The following BACH2 variants were observed in gnomAD, a reference collection of about 807,000 sequenced individuals.
BACH2 encodes BACH transcriptional regulator 2.
Under a neutral mutation model 61.8 loss-of-function variants are expected in BACH2, and 5 were observed. That is an observed-to-expected ratio of 0.08 (90% CI 0.04 to 0.17). BACH2 has a LOEUF of 0.17. BACH2 is among the 10% of genes least tolerant of loss of function. BACH2 has a pLI of 1.00. For missense variants in BACH2, 824 were observed against 1,091.1 expected, an observed-to-expected ratio of 0.76 and a Z score of 3.45; for synonymous variants, 446 against 440.1, an observed-to-expected ratio of 1.01 and a Z score of -0.17.
At chr6:90,004,489 A>T (rs935247250) in intron 6 of BACH2, among the ~76,000 whole-genome samples, 1 of 152,216 alleles carries the variant, frequency 6.6e-6, no homozygotes, top group African/African-American at 2.4e-5. Flanking sequence ...AAAGGTGGTG[A>T]GACCTTGGCA....
intron 7 of BACH2, among the ~76,000 whole-genome samples, chr6:89,941,703 A>G (rs1433935767): frequency 2.0e-5 from 3 of 152,314 alleles, no homozygotes. Flanking sequence ...GTTCCAACAC[A>G]GCAGAGGTGG....
chr6:90,028,801 ACT>A (rs1313998187), intron 5 of BACH2, among the ~76,000 whole-genome samples: 1 of 152,152 alleles, frequency 6.6e-6, no homozygotes, highest in East Asian at 1.9e-4. Flanking sequence ...TTGAATTCTG[ACT>A]CTGTCATTCA....
intron 6 of BACH2, among the ~76,000 whole-genome samples, chr6:90,001,690 G>C (rs1777141256): frequency 6.6e-6 from 1 of 152,102 alleles, no homozygotes; most frequent in South Asian, 2.1e-4. Context: ...AGCATAAAGA[G>C]CTTATACCTA....
chr6:89,940,507 C>A (rs943711729), intron 7 of BACH2, among the ~76,000 whole-genome samples: 4 of 152,308 alleles, frequency 2.6e-5, no homozygotes, highest in Middle Eastern at 3.4e-3. Flanking sequence ...TGGGTTCAGT[C>A]TGGTCCTGCT....
At chr6:90,066,270 G>C (rs1371160557) in intron 5 of BACH2, among the ~76,000 whole-genome samples, 1 of 152,122 alleles carries the variant, frequency 6.6e-6, no homozygotes, top group Non-Finnish European at 1.5e-5. Flanking sequence ...GAATTCACGT[G>C]GTGCATTCAA....
intron 6 of BACH2, among the ~76,000 whole-genome samples, chr6:89,994,327 G>A (rs1270650915): frequency 6.6e-6 from 1 of 152,154 alleles, no homozygotes; most frequent in Non-Finnish European, 1.5e-5. Flanking sequence ...CACTGAAAAT[G>A]ACACTAGTCA....
intron 1 of BACH2, among the ~76,000 whole-genome samples, chr6:90,291,132 AAGG>A (rs1178278007): frequency 6.6e-5 from 10 of 152,218 alleles, no homozygotes; most frequent in African/African-American, 2.4e-4. Context: ...CTAAGGAACA[AAGG>A]AGAAGTCAAC....
chr6:89,941,246 G>A (rs1304922236), intron 7 of BACH2, among the ~76,000 whole-genome samples: 2 of 152,152 alleles, frequency 1.3e-5, no homozygotes, highest in East Asian at 1.9e-4. Context: ...GTCAATTCCC[G>A]TGCACAAAGG....
At chr6:90,273,043 C>T (rs949959893) in intron 1 of BACH2, among the ~76,000 whole-genome samples, 7 of 152,172 alleles carry the variant, frequency 4.6e-5, no homozygotes, top group African/African-American at 1.7e-4. Flanking sequence ...CACAACTTAA[C>T]TGCTATGTGC....
At chr6:90,083,315 T>C (rs1250515568) in intron 5 of BACH2, among the ~76,000 whole-genome samples, 1 of 152,184 alleles carries the variant, frequency 6.6e-6, no homozygotes, top group Non-Finnish European at 1.5e-5. Flanking sequence ...TAATAAAACA[T>C]AGATTATTTG....
intron 5 of BACH2, among the ~76,000 whole-genome samples, chr6:90,073,994 G>A (rs1485224207): frequency 2.0e-5 from 3 of 152,172 alleles, no homozygotes; most frequent in Non-Finnish European, 4.4e-5. Flanking sequence ...GAGGGAAGAG[G>A]TGCCGCATTT....
intron 6 of BACH2, among the ~76,000 whole-genome samples, chr6:89,979,368 C>A (rs1035522109): frequency 6.6e-6 from 1 of 152,138 alleles, no homozygotes; most frequent in Non-Finnish European, 1.5e-5. Context: ...ATTTGTACAC[C>A]GAAAACACTC....
Position 89,979,314 on chromosome 6 carries a change from C to T in BACH2, c.244-27452G>A, listed in dbSNP as rs373132636. On this transcript the variant is annotated intron_variant, in intron 6 of 8. Transcript: ENST00000257749. ...TGATCTCTTTCATTTATTTGACAAA[C>T]ATTCACCAAATGGCTATTGTGTTGG... 3.5e-4 allele frequency among the ~76,000 whole-genome samples: 54 copies of T among 152,200 alleles called. 4 individuals are homozygous for T. Among genetic ancestry groups the T allele is most frequent in the Middle Eastern group, 3.4e-3 (1 of 294 alleles).
chr6:90,040,762 A>G (rs527373752), intron 5 of BACH2, among the ~76,000 whole-genome samples: 187 of 152,182 alleles, frequency 1.2e-3, no homozygotes, highest in Middle Eastern at 0.01. Flanking sequence ...TTCAATTCCT[A>G]TATTTATACA....
chr6:89,984,274 T>C (rs1033558735), intron 6 of BACH2, among the ~76,000 whole-genome samples: 1 of 151,978 alleles, frequency 6.6e-6, no homozygotes, highest in Admixed American at 6.6e-5. Flanking sequence ...AATAACTTCA[T>C]TGAACTGAAA....
At chr6:89,969,044 TG>T (rs1393553575) in intron 6 of BACH2, among the ~76,000 whole-genome samples, 1 of 147,886 alleles carries the variant, frequency 6.8e-6, no homozygotes, top group Non-Finnish European at 1.5e-5. Context: ...GTCTTAAAAA[TG>T]TAGTCTTTTT....
At chr6:90,135,632 G>A (rs577346528) in intron 4 of BACH2, among the ~76,000 whole-genome samples, 3 of 152,156 alleles carry the variant, frequency 2.0e-5, no homozygotes, top group African/African-American at 7.2e-5. Context: ...GAGGACTGCT[G>A]GAGCCCAGGA....
intron 5 of BACH2, among the ~76,000 whole-genome samples, chr6:90,020,046 T>C (rs1458449617): frequency 6.6e-6 from 1 of 152,240 alleles, no homozygotes; most frequent in Non-Finnish European, 1.5e-5. Flanking sequence ...GTGGAGCTGT[T>C]GTTAGACTAA....
chr6:89,980,642 C>T (rs1775899857), intron 6 of BACH2, among the ~76,000 whole-genome samples: 1 of 152,138 alleles, frequency 6.6e-6, no homozygotes, highest in South Asian at 2.1e-4. Context: ...TTTTTTGGCC[C>T]TGAGGACATT....
Sources: allele counts gnomAD v4.1 joint callset (sites outside exome capture counted in the v4.1 genomes callset), GRCh38; gene constraint gnomAD v4.1.1; transcripts MANE v1.5; gene names NCBI Gene and HGNC (gene_info 2026-07-23, HGNC 2026-07-21).